The following ANO3 variants were observed in gnomAD, a reference collection of about 807,000 sequenced individuals.
ANO3 encodes anoctamin 3, also known as anoctamin-3.
ANO3 carries 99 observed loss-of-function variants against 144.8 expected under a neutral mutation model. The observed-to-expected ratio is 0.68, with a 90% CI of 0.58 to 0.81. The LOEUF is 0.81. Among genes scored for constraint, ANO3 ranks in the 30% least tolerant of loss-of-function variants. The pLI, the probability that ANO3 is intolerant of heterozygous loss-of-function variation, is 0.00. For missense variants in ANO3, 905 were observed against 1,202.2 expected (o/e 0.75, Z 3.66); for synonymous variants, 414 against 392.6 (o/e 1.05, Z -0.64).
chr11:26,291,976 T>C (rs1473817032), intron 1 of ANO3, among the ~76,000 whole-genome samples: 1 of 152,214 alleles, frequency 6.6e-6, no homozygotes, highest in African/African-American at 2.4e-5. Flanking sequence ...GTTGGGGAAG[T>C]TCTCCCGGGT....
At chr11:26,383,265 C>CT (rs149011169) in intron 1 of ANO3, among the ~76,000 whole-genome samples, 9 of 151,142 alleles carry the variant, frequency 6.0e-5, no homozygotes, top group East Asian at 3.9e-4. Context: ...CTGGCCAAAC[C>CT]TTTTTTTTTA....
chr11:26,431,525 C>G (rs1356606653), intron 1 of ANO3, among the ~76,000 whole-genome samples: 2 of 152,104 alleles, frequency 1.3e-5, no homozygotes, highest in Non-Finnish European at 2.9e-5. Flanking sequence ...GCCTAGTACC[C>G]AATAGTTATT....
intron 4 of ANO3, among the ~76,000 whole-genome samples, chr11:26,495,895 T>C (rs10767537): frequency 0.6 from 91,043 of 152,030 alleles, 27,948 homozygotes; most frequent in East Asian, 0.68. Flanking sequence ...ATTGTCTGCT[T>C]TGGAGCACAT....
At chr11:26,422,281 T>A (rs1269714344) in intron 1 of ANO3, among the ~76,000 whole-genome samples, 1 of 152,024 alleles carries the variant, frequency 6.6e-6, no homozygotes, top group Non-Finnish European at 1.5e-5. Flanking sequence ...TCTTTGAAGT[T>A]TTCTAAGGAT....
At chr11:26,212,414 A>G (rs1209134799) in intron 1 of ANO3, among the ~76,000 whole-genome samples, 2 of 151,920 alleles carry the variant, frequency 1.3e-5, no homozygotes, top group Non-Finnish European at 2.9e-5. Context: ...GAAAAGAAAG[A>G]AGAATTGAAT....
chr11:26,338,610 C>T (rs1271647245), intron 1 of ANO3, among the ~76,000 whole-genome samples: 3 of 152,194 alleles, frequency 2.0e-5, no homozygotes, highest in Non-Finnish European at 2.9e-5. Flanking sequence ...GCTGCTCAGT[C>T]TTTGGGTCCG....
chr11:26,237,612 C>T (rs1297074945), intron 1 of ANO3, among the ~76,000 whole-genome samples: 1 of 151,618 alleles, frequency 6.6e-6, no homozygotes, highest in East Asian at 1.9e-4. Context: ...TAAGCATTAG[C>T]CATAGAAAAA....
chr11:26,327,474 A>G (rs1854914071), upstream of ANO3, among the ~76,000 whole-genome samples: 1 of 152,150 alleles, frequency 6.6e-6, no homozygotes, highest in African/African-American at 2.4e-5. Flanking sequence ...TTGCTCCCTG[A>G]AGGAGTTTTA....
rs1432287041 is a variant in ANO3 at position 26,641,776 on chromosome 11, C to T, written c.2142-120C>T. ...TAAAAAACTTTTATAAAAGGTAAAA[C>T]CAAATACCTCCAATTCCGAGGAGCT... On this transcript the variant is annotated intron_variant, in intron 21 of 26. Transcript: ENST00000256737. 13 of 1,100,338 alleles carry T rather than the reference C, an allele frequency of 1.2e-5. No homozygotes were observed. The East Asian group carries it at 3.7e-4, about 31-fold the overall frequency. 68.2% of individuals were successfully genotyped at this position (1,100,338 alleles called of 1,614,324 possible). A position where few individuals can be genotyped will look rare whatever the true frequency, so the allele number is the denominator to read the frequency against.
intron 4 of ANO3, among the ~76,000 whole-genome samples, chr11:26,497,965 C>T (rs1861034213): frequency 6.6e-6 from 1 of 151,864 alleles, no homozygotes; most frequent in Admixed American, 6.6e-5. Flanking sequence ...GGCAGAAGTG[C>T]AGAATAACTA....
chr11:26,570,774 G>A (rs1469159425), intron 14 of ANO3, among the ~76,000 whole-genome samples: 2 of 152,074 alleles, frequency 1.3e-5, no homozygotes, highest in Non-Finnish European at 2.9e-5. Context: ...GGAAGAACTT[G>A]AGTGTTACTC....
chr11:26,196,449 T>C (rs903088515), intron 1 of ANO3, among the ~76,000 whole-genome samples: 6 of 152,148 alleles, frequency 3.9e-5, no homozygotes, highest in African/African-American at 1.4e-4. Flanking sequence ...GATTTCATGC[T>C]CCATTTTCAA....
chr11:26,615,414 A>ATATATTTTTTTTTT (rs1352935016), intron 17 of ANO3, among the ~76,000 whole-genome samples: 1 of 130,688 alleles, frequency 7.7e-6, no homozygotes, highest in African/African-American at 3.0e-5. Flanking sequence ...ATATATATAT[A>ATATATTTTTTTTTT]TTTTTTTTTT....
At chr11:26,350,451 T>C (rs933315508) in intron 1 of ANO3, among the ~76,000 whole-genome samples, 4 of 152,210 alleles carry the variant, frequency 2.6e-5, no homozygotes, top group African/African-American at 9.7e-5. Flanking sequence ...TGTAGAAAAG[T>C]TGAAAAACTT....
chr11:26,531,095 T>C, intron 7 of ANO3, 110 bp from the exon 8 acceptor site: 1 of 1,225,694 alleles, frequency 8.2e-7, no homozygotes, highest in Non-Finnish European at 1.2e-6. Flanking sequence ...TGTAGGTTTG[T>C]GTATCTCTTT....
chr11:26,335,361 T>C (rs1855165473), intron 1 of ANO3, among the ~76,000 whole-genome samples: 1 of 152,194 alleles, frequency 6.6e-6, no homozygotes, highest in Non-Finnish European at 1.5e-5. Flanking sequence ...TTTAGTAGTA[T>C]ATTGGACTCT....
chr11:26,217,367 C>G (rs1038495693), intron 1 of ANO3, among the ~76,000 whole-genome samples: 1 of 151,986 alleles, frequency 6.6e-6, no homozygotes, highest in Non-Finnish European at 1.5e-5. Context: ...ATTGTTTTAT[C>G]TCTCTCAGCT....
intron 14 of ANO3, among the ~76,000 whole-genome samples, chr11:26,580,273 A>G (rs1851095228): frequency 6.6e-6 from 1 of 152,162 alleles, no homozygotes. Context: ...TAAAGGGAAT[A>G]TAAAAGTAAT....
chr11:26,277,744 C>A (rs1460799011), intron 1 of ANO3, among the ~76,000 whole-genome samples: 1 of 151,700 alleles, frequency 6.6e-6, no homozygotes, highest in African/African-American at 2.4e-5. Context: ...TATCATCTTT[C>A]TGTAAAACTT....
Sources: allele counts gnomAD v4.1 joint callset (sites outside exome capture counted in the v4.1 genomes callset), GRCh38; gene constraint gnomAD v4.1.1; transcripts MANE v1.5; gene names NCBI Gene and HGNC (gene_info 2026-07-23, HGNC 2026-07-21).